Variants in SCAI observed in about 807,000 individuals in gnomAD.
The protein encoded by SCAI is suppressor of cancer cell invasion.
SCAI carries 24 observed loss-of-function variants against 92.2 expected under a neutral mutation model. That is an observed-to-expected ratio of 0.26 (90% CI 0.19 to 0.37). The LOEUF (loss-of-function observed/expected upper bound fraction) is 0.37, where lower values mean the gene tolerates loss of function less well. SCAI is among the 10% of genes least tolerant of loss of function. The pLI is 1.00. For missense variants in SCAI, 450 were observed against 736.2 expected, an observed-to-expected ratio of 0.61 and a Z score of 4.50; for synonymous variants, 261 against 258.6, an observed-to-expected ratio of 1.01 and a Z score of -0.09.
chr9:125,097,104 G>A (rs1413051024), intron 2 of SCAI, among the ~76,000 whole-genome samples: 1 of 152,054 alleles, frequency 6.6e-6, no homozygotes, highest in Non-Finnish European at 1.5e-5. Flanking sequence ...TTACTTCTAG[G>A]AATACCAAAA....
intron 2 of SCAI, among the ~76,000 whole-genome samples, chr9:125,063,107 C>CT (rs1249431260): frequency 2.0e-5 from 3 of 149,678 alleles, no homozygotes; most frequent in African/African-American, 7.4e-5. Flanking sequence ...CCCCCACCCC[C>CT]CCCAGAAAAG....
At chr9:125,087,134 A>G (rs1272656629) in intron 2 of SCAI, among the ~76,000 whole-genome samples, 4 of 152,236 alleles carry the variant, frequency 2.6e-5, no homozygotes, top group Admixed American at 2.6e-4. Flanking sequence ...AGCATTCTCT[A>G]CTTCACCTCC....
At chr9:125,079,489 G>A (rs756541332) in intron 2 of SCAI, among the ~76,000 whole-genome samples, 7 of 152,056 alleles carry the variant, frequency 4.6e-5, no homozygotes, top group Non-Finnish European at 1.0e-4. Context: ...CCTGTTCTTT[G>A]CTTCTTAGTA....
At chr9:124,984,193 CCTGATAT>C (rs1490554872) in intron 14 of SCAI, among the ~76,000 whole-genome samples, 1 of 152,058 alleles carries the variant, frequency 6.6e-6, no homozygotes, top group African/African-American at 2.4e-5. Context: ...CAGATGACTG[CCTGATAT>C]GTTTCAGGAA....
At chr9:124,971,979 ATTC>A (rs765114729) in intron 15 of SCAI, 135 bp from the exon 16 acceptor site, 2 of 486,752 alleles carry the variant, frequency 4.1e-6, no homozygotes, top group East Asian at 7.0e-5. Context: ...ATCAAAGCAG[ATTC>A]TTCACGAAAC....
chr9:124,974,308 T>C (rs1301860765), intron 15 of SCAI: 6 of 423,128 alleles, frequency 1.4e-5, no homozygotes, highest in African/African-American at 4.1e-5. Flanking sequence ...ATTAGCTGGG[T>C]GTGGTAGTGT....
chr9:125,139,745 C>G (rs927813885), intron 2 of SCAI, among the ~76,000 whole-genome samples: 2 of 152,056 alleles, frequency 1.3e-5, no homozygotes, highest in African/African-American at 4.8e-5. Context: ...ATTACAAGAT[C>G]GATTTGCACA....
At chr9:125,116,648 A>T (rs1835051999) in intron 2 of SCAI, among the ~76,000 whole-genome samples, 1 of 152,218 alleles carries the variant, frequency 6.6e-6, no homozygotes, top group Admixed American at 6.5e-5. Flanking sequence ...CCCACCAATA[A>T]TATATTAAGA....
intron 2 of SCAI, among the ~76,000 whole-genome samples, chr9:125,079,600 C>G (rs1173518169): frequency 6.6e-6 from 1 of 151,830 alleles, no homozygotes; most frequent in Non-Finnish European, 1.5e-5. Flanking sequence ...TTTAACCTAC[C>G]TTAATTAACA....
At chr9:125,085,049 G>C (rs930626397) in intron 2 of SCAI, among the ~76,000 whole-genome samples, 1 of 152,158 alleles carries the variant, frequency 6.6e-6, no homozygotes, top group African/African-American at 2.4e-5. Flanking sequence ...TGACTACTGT[G>C]ACAAATCCTA....
intron 9 of SCAI, among the ~76,000 whole-genome samples, chr9:125,017,435 T>A (rs1258127573): frequency 6.6e-6 from 1 of 151,122 alleles, no homozygotes; most frequent in Non-Finnish European, 1.5e-5. Context: ...CCATTTAGTA[T>A]ATTCATACTA....
In SCAI at chr9:124,999,922, T is replaced by C; in HGVS notation, c.1213A>G (p.Lys405Glu). Residue 405 changes from lysine (K) to glutamate (E), a missense_variant, in exon 13 of 18, where the codon AAA becomes GAA. Transcript: ENST00000336505. The part of the protein sequence containing the change: ...RDIINGDAIH[K>E]RNQSHKEMHC... ...ATTTCCTTGTGGGACTGATTTCGTT[T>C]GTGGATGGCATCTCCATTAATAATA... 1.3e-6 allele frequency: 2 copies of C among 1,594,046 alleles called. No homozygotes were observed. The highest frequency in any genetic ancestry group is 1.7e-6 in the Non-Finnish European group (2 of 1,166,222).
intron 15 of SCAI, among the ~76,000 whole-genome samples, chr9:124,972,606 G>C (rs550648575): frequency 6.6e-6 from 1 of 152,222 alleles, no homozygotes; most frequent in South Asian, 2.1e-4. Flanking sequence ...TGCTGCTCTA[G>C]GCTACTCTAT....
At chr9:125,065,712 G>A (rs957739516) in intron 2 of SCAI, among the ~76,000 whole-genome samples, 1 of 152,070 alleles carries the variant, frequency 6.6e-6, no homozygotes. Context: ...AGTCCAATTC[G>A]GCAATATATA....
intron 12 of SCAI, 32 bp downstream of exon 12, chr9:125,001,933 T>C (rs781433942): frequency 9.5e-6 from 14 of 1,470,262 alleles, no homozygotes; most frequent in Non-Finnish European, 1.3e-5. Context: ...ATTCAAGCCC[T>C]GCTCACAACA....
At chr9:125,060,412 C>T (rs528368491) in intron 2 of SCAI, among the ~76,000 whole-genome samples, 26 of 152,276 alleles carry the variant, frequency 1.7e-4, no homozygotes, top group African/African-American at 6.0e-4. Context: ...CATATTTCTT[C>T]AAAGTAGTTC....
chr9:125,074,757 C>T (rs1285294043), intron 2 of SCAI, among the ~76,000 whole-genome samples: 2 of 151,802 alleles, frequency 1.3e-5, no homozygotes, highest in African/African-American at 2.4e-5. Flanking sequence ...GTAATCCCAA[C>T]ACTTTGGGAG....
At chr9:124,968,425 A>T in intron 17 of SCAI, 1 of 1,128,748 alleles carries the variant, frequency 8.9e-7, no homozygotes, top group South Asian at 1.2e-5. Context: ...TTCTCAGTCC[A>T]GTCATAACGC....
chr9:124,973,775 C>T (rs573291296), intron 15 of SCAI, among the ~76,000 whole-genome samples: 2 of 152,098 alleles, frequency 1.3e-5, no homozygotes, highest in Non-Finnish European at 2.9e-5. Flanking sequence ...TTGTAGTGAG[C>T]TGAGACTGCG....
Sources: gnomAD v4.1 joint callset for allele counts (sites outside exome capture counted in the v4.1 genomes callset) on GRCh38, gnomAD v4.1.1 for gene constraint, MANE v1.5 for transcripts, NCBI Gene and HGNC (gene_info 2026-07-23, HGNC 2026-07-21) for gene names.